ASTN2: variants seen among roughly 807,000 people sequenced by gnomAD.
ASTN2 encodes the protein astrotactin-2.
A neutral mutation model predicts 139.8 loss-of-function variants in ASTN2; 54 were observed. That is an observed-to-expected ratio of 0.39 (90% CI 0.31 to 0.48). The LOEUF is 0.48. ASTN2 is among the 20% of genes least tolerant of loss of function. The probability of loss-of-function intolerance (pLI) is 0.95; values close to 1 mark genes in which losing one functional copy is unlikely to be tolerated. For missense variants in ASTN2, 1,565 were observed against 1,725.1 expected, an observed-to-expected ratio of 0.91 and a Z score of 1.64; for synonymous variants, 756 against 719.5, an observed-to-expected ratio of 1.05 and a Z score of -0.81.
intron 10 of ASTN2, among the ~76,000 whole-genome samples, chr9:116,927,958 C>T (rs767186882): frequency 2.0e-5 from 3 of 152,178 alleles, no homozygotes; most frequent in Non-Finnish European, 4.4e-5. Flanking sequence ...CTGTTCCCTC[C>T]GTATACCCTT....
intron 2 of ASTN2, among the ~76,000 whole-genome samples, chr9:117,232,392 T>G (rs756935783): frequency 8.5e-5 from 13 of 152,142 alleles, no homozygotes; most frequent in Admixed American, 5.2e-4. Context: ...TGAGCTTGCA[T>G]AACTCTTTCC....
At chr9:116,958,892 G>C (rs2132499427) in intron 10 of ASTN2, among the ~76,000 whole-genome samples, 1 of 152,300 alleles carries the variant, frequency 6.6e-6, no homozygotes, top group East Asian at 1.9e-4. Flanking sequence ...CTATGAAATG[G>C]GTTCAACCAA....
In ASTN2 at chr9:116,976,682, G is replaced by C; in HGVS notation, c.1676+19C>G. 6.2e-7 allele frequency: 1 copy of C among 1,612,958 alleles called. No homozygotes were observed. The highest frequency in any genetic ancestry group is 8.5e-7 in the Non-Finnish European group (1 of 1,179,040). Reference sequence around the variant, plus strand: ...GTGGGTCCTGCACTGTCCTGGACCTGATGCCCTTTGCCACTCACCCTTCAC... The same window carrying C: ...GTGGGTCCTGCACTGTCCTGGACCTCATGCCCTTTGCCACTCACCCTTCAC... On this transcript the variant is annotated intron_variant, in intron 8 of 22. Coordinates refer to ENST00000313400, the MANE Select transcript of ASTN2 (RefSeq NM_001365068.1).
At chr9:116,716,197 A>C (rs1273330255) in intron 16 of ASTN2, among the ~76,000 whole-genome samples, 4 of 152,196 alleles carry the variant, frequency 2.6e-5, no homozygotes, top group African/African-American at 9.7e-5. Context: ...GAATCAGAGT[A>C]ACTAGTTTAC....
At chr9:116,977,873 T>G (rs1287549435) in intron 7 of ASTN2, among the ~76,000 whole-genome samples, 1 of 151,740 alleles carries the variant, frequency 6.6e-6, no homozygotes, top group Non-Finnish European at 1.5e-5. Context: ...TGCACCACCA[T>G]GCCCAGGTAA....
chr9:117,352,547 G>C (rs1413364704), intron 1 of ASTN2, among the ~76,000 whole-genome samples: 1 of 152,218 alleles, frequency 6.6e-6, no homozygotes, highest in Non-Finnish European at 1.5e-5. Flanking sequence ...GGCACCAAGG[G>C]ATAGTAGACA....
At chr9:116,484,815 G>C (rs1034704443) in intron 20 of ASTN2, among the ~76,000 whole-genome samples, 3 of 152,192 alleles carry the variant, frequency 2.0e-5, no homozygotes, top group African/African-American at 7.2e-5. Context: ...AGGCAGTGAG[G>C]AAAAGAAGGG....
intron 1 of ASTN2, among the ~76,000 whole-genome samples, chr9:117,368,824 C>A (rs1587987045): frequency 1.3e-5 from 2 of 151,946 alleles, no homozygotes; most frequent in Admixed American, 1.3e-4. Flanking sequence ...TGGCCAAGTC[C>A]CCACTGACAA....
At chr9:116,515,052 T>C (rs567835446) in intron 19 of ASTN2, among the ~76,000 whole-genome samples, 22 of 152,286 alleles carry the variant, frequency 1.4e-4, no homozygotes, top group Admixed American at 1.4e-3. Flanking sequence ...AATACCTCAG[T>C]TGGAAATGCA....
At chr9:116,685,461 C>A (rs551919008) in intron 16 of ASTN2, among the ~76,000 whole-genome samples, 14 of 152,164 alleles carry the variant, frequency 9.2e-5, no homozygotes, top group Admixed American at 2.0e-4. Context: ...TCAGCTCTGT[C>A]TAGGCAGTGG....
At chr9:116,837,123 AG>A (rs1832024964) in intron 11 of ASTN2, among the ~76,000 whole-genome samples, 1 of 152,166 alleles carries the variant, frequency 6.6e-6, no homozygotes, top group Non-Finnish European at 1.5e-5. Flanking sequence ...TAGTGAATCC[AG>A]TTATCTCTAA....
chr9:116,530,896 T>C (rs1851313949), intron 19 of ASTN2, among the ~76,000 whole-genome samples: 1 of 152,194 alleles, frequency 6.6e-6, no homozygotes, highest in African/African-American at 2.4e-5. Flanking sequence ...ATTTCTCTTT[T>C]TATTCCTTGA....
At chr9:116,891,276 G>T (rs1401821307) in intron 10 of ASTN2, among the ~76,000 whole-genome samples, 4 of 152,198 alleles carry the variant, frequency 2.6e-5, no homozygotes, top group Non-Finnish European at 4.4e-5. Context: ...TCAGGCTAAA[G>T]CAGAAGATAT....
chr9:116,681,198 AC>A, intron 16 of ASTN2, among the ~76,000 whole-genome samples: 1 of 152,296 alleles, frequency 6.6e-6, no homozygotes, highest in East Asian at 1.9e-4. Flanking sequence ...AAATCAATGT[AC>A]AAAAATCACA....
At chr9:116,688,318 C>T (rs1860379782) in intron 16 of ASTN2, among the ~76,000 whole-genome samples, 1 of 151,982 alleles carries the variant, frequency 6.6e-6, no homozygotes, top group African/African-American at 2.4e-5. Context: ...CCTAACTGGG[C>T]TATAAAATCA....
intron 11 of ASTN2, among the ~76,000 whole-genome samples, chr9:116,831,112 T>C (rs896583116): frequency 6.6e-6 from 1 of 152,160 alleles, no homozygotes; most frequent in African/African-American, 2.4e-5. Context: ...AAATATGACA[T>C]GTTCTCACTT....
chr9:116,470,918 T>C (rs1018561906), intron 20 of ASTN2, among the ~76,000 whole-genome samples: 1 of 152,196 alleles, frequency 6.6e-6, no homozygotes, highest in African/African-American at 2.4e-5. Flanking sequence ...GACAAGGGTA[T>C]TGAGATTCCT....
intron 11 of ASTN2, among the ~76,000 whole-genome samples, chr9:116,826,690 G>C (rs1831637083): frequency 6.6e-6 from 1 of 152,038 alleles, no homozygotes; most frequent in South Asian, 2.1e-4. Context: ...CCCACTACTA[G>C]CTTCTAAGCA....
chr9:117,095,610 C>T (rs1327310701), intron 5 of ASTN2, among the ~76,000 whole-genome samples: 4 of 152,150 alleles, frequency 2.6e-5, no homozygotes, highest in Non-Finnish European at 5.9e-5. Context: ...GTATGTTTCC[C>T]TTCACACTTT....
Sources: gnomAD v4.1 joint callset for allele counts (sites outside exome capture counted in the v4.1 genomes callset) on GRCh38, gnomAD v4.1.1 for gene constraint, MANE v1.5 for transcripts, NCBI Gene and HGNC (gene_info 2026-07-23, HGNC 2026-07-21) for gene names.